Variants in CSMD1 observed in about 807,000 individuals in gnomAD.
CSMD1 encodes the protein CUB and Sushi multiple domains 1.
Under a neutral mutation model 417.5 loss-of-function variants are expected in CSMD1, and 213 were observed. That is an observed-to-expected ratio of 0.51 (90% CI 0.46 to 0.57). The LOEUF is 0.57. Ranked by LOEUF, CSMD1 falls within the 20% of genes least tolerant of loss-of-function variation. The pLI is 0.00. For synonymous variants in CSMD1, 2,862 were observed against 1,736.8 expected (o/e 1.65, Z -16.11); for missense variants, 6,923 against 4,529.7 (o/e 1.53, Z -15.17).
At chr8:3,107,163 A>C (rs1336292165) in intron 45 of CSMD1, 1 of 155,178 alleles carries the variant, frequency 6.4e-6, no homozygotes, top group Admixed American at 6.4e-5. Flanking sequence ...TAACTATACC[A>C]TAAACATATG....
chr8:4,067,142 C>G (rs930184757), intron 3 of CSMD1, among the ~76,000 whole-genome samples: 3 of 152,178 alleles, frequency 2.0e-5, no homozygotes, highest in African/African-American at 7.2e-5. Flanking sequence ...TCATGCAAAA[C>G]CAAAGGGAAA....
chr8:3,360,833 T>C (rs1016210029), intron 20 of CSMD1, among the ~76,000 whole-genome samples: 18 of 151,928 alleles, frequency 1.2e-4, no homozygotes, highest in African/African-American at 4.3e-4. Flanking sequence ...TTCCCCTTAG[T>C]ATTCCTCAAA....
At chr8:3,710,702 G>A (rs1423016125) in intron 6 of CSMD1, among the ~76,000 whole-genome samples, 5 of 152,152 alleles carry the variant, frequency 3.3e-5, no homozygotes, top group Non-Finnish European at 5.9e-5. Flanking sequence ...CAGCGACACT[G>A]TGCAGTATTT....
intron 2 of CSMD1, among the ~76,000 whole-genome samples, chr8:4,541,475 T>C (rs374445491): frequency 2.3e-4 from 35 of 152,128 alleles, no homozygotes; most frequent in African/African-American, 8.2e-4. Flanking sequence ...TCGGTAGGCG[T>C]CGTGGCTCAC....
At chr8:4,207,032 G>A (rs1398618262) in intron 3 of CSMD1, among the ~76,000 whole-genome samples, 1 of 152,156 alleles carries the variant, frequency 6.6e-6, no homozygotes, top group African/African-American at 2.4e-5. Context: ...CTCTTTAAAT[G>A]TGTATACCTA....
chr8:4,574,543 G>A (rs1446939862), intron 2 of CSMD1, among the ~76,000 whole-genome samples: 1 of 152,194 alleles, frequency 6.6e-6, no homozygotes, highest in African/African-American at 2.4e-5. Context: ...CTCACTGGGA[G>A]CTGCAGACGG....
intron 26 of CSMD1, among the ~76,000 whole-genome samples, chr8:3,272,907 A>G (rs1471905820): frequency 3.4e-5 from 5 of 149,068 alleles, no homozygotes; most frequent in Non-Finnish European, 1.5e-5. Context: ...TCTTTTCCTA[A>G]TTGAATACCC....
intron 11 of CSMD1, among the ~76,000 whole-genome samples, chr8:3,490,052 G>C (rs928860453): frequency 2.0e-5 from 3 of 152,192 alleles, no homozygotes; most frequent in African/African-American, 4.8e-5. Context: ...GTACTCAAAA[G>C]TATTTGTCGA....
intron 2 of CSMD1, among the ~76,000 whole-genome samples, chr8:4,428,752 C>T (rs1274709687): frequency 6.6e-6 from 1 of 152,088 alleles, no homozygotes; most frequent in Admixed American, 6.5e-5. Context: ...AGGAGTCTAG[C>T]TTTGTCGCCC....
intron 2 of CSMD1, among the ~76,000 whole-genome samples, chr8:4,426,637 A>AG (rs1797575513): frequency 3.4e-5 from 4 of 116,784 alleles, no homozygotes; most frequent in East Asian, 2.3e-4. Flanking sequence ...TAATATAGTA[A>AG]TATTTTGTTA....
At chr8:3,926,053 TACAC>T (rs35557551) in intron 5 of CSMD1, among the ~76,000 whole-genome samples, 17,940 of 85,526 alleles carry the variant, frequency 0.21, 2,420 homozygotes, top group African/African-American at 0.34. Flanking sequence ...AAACACCATA[TACAC>T]ACACACACAC....
At chr8:3,481,792 G>A (rs904903108) in intron 11 of CSMD1, among the ~76,000 whole-genome samples, 11 of 152,252 alleles carry the variant, frequency 7.2e-5, no homozygotes, top group Middle Eastern at 3.4e-3. Context: ...AAGAAGAAAG[G>A]GATGAATTCT....
intron 8 of CSMD1, among the ~76,000 whole-genome samples, chr8:3,603,169 T>C (rs1473344976): frequency 6.6e-6 from 1 of 152,188 alleles, no homozygotes; most frequent in Non-Finnish European, 1.5e-5. Flanking sequence ...TCTTAAGTAG[T>C]TCTTAAAAAA....
intron 7 of CSMD1, among the ~76,000 whole-genome samples, chr8:3,692,377 T>A (rs541908491): frequency 5.6e-4 from 86 of 152,266 alleles, no homozygotes; most frequent in Middle Eastern, 3.4e-3. Context: ...CGCTGCTTTC[T>A]GTGGAGCTTG....
chr8:3,677,950 T>C (rs1435279818), intron 7 of CSMD1, among the ~76,000 whole-genome samples: 1 of 152,078 alleles, frequency 6.6e-6, no homozygotes, highest in African/African-American at 2.4e-5. Flanking sequence ...GGAATGCACT[T>C]GAGGAGCAGA....
chr8:3,683,553 A>C (rs1799780324), intron 7 of CSMD1, among the ~76,000 whole-genome samples: 1 of 152,138 alleles, frequency 6.6e-6, no homozygotes. Context: ...ATCATTTGAA[A>C]CCAAAAGAAA....
chr8:3,891,166 C>A (rs988946195), intron 5 of CSMD1, among the ~76,000 whole-genome samples: 5 of 152,030 alleles, frequency 3.3e-5, no homozygotes, highest in African/African-American at 1.2e-4. Context: ...CTCCCTCAGC[C>A]TCCCAAGAAG....
At chr8:3,114,740 A>C (rs1816751273) in intron 42 of CSMD1, among the ~76,000 whole-genome samples, 1 of 152,176 alleles carries the variant, frequency 6.6e-6, no homozygotes, top group African/African-American at 2.4e-5. Context: ...TTATTGGGAA[A>C]GATTATTTTC....
chr8:4,147,124 C>CCA (rs2131038851), intron 3 of CSMD1, among the ~76,000 whole-genome samples: 2 of 152,116 alleles, frequency 1.3e-5, no homozygotes, highest in Non-Finnish European at 2.9e-5. Flanking sequence ...TGACCAATCT[C>CCA]TTCCTCAGTT....
Sources: gnomAD v4.1 joint callset for allele counts (sites outside exome capture counted in the v4.1 genomes callset) on GRCh38, gnomAD v4.1.1 for gene constraint, MANE v1.5 for transcripts, NCBI Gene and HGNC (gene_info 2026-07-23, HGNC 2026-07-21) for gene names.